Variants in EDA observed in about 807,000 individuals in gnomAD.
The protein encoded by EDA is ectodysplasin-A.
A neutral mutation model predicts 23.6 loss-of-function variants in EDA; 2 were observed. That is an observed-to-expected ratio of 0.08 (90% CI 0.03 to 0.27). EDA has a LOEUF of 0.27. EDA is among the 10% of genes least tolerant of loss of function. EDA has a pLI of 1.00. For synonymous variants in EDA, 131 were observed against 132.0 expected, an observed-to-expected ratio of 0.99 and a Z score of 0.05; for missense variants, 229 against 324.2, an observed-to-expected ratio of 0.71 and a Z score of 2.26.
At chrX:69,676,186 A>T (rs1934072906) in intron 1 of EDA, among the ~76,000 whole-genome samples, 1 of 111,315 alleles carries the variant, frequency 9.0e-6, no homozygotes, top group Non-Finnish European at 1.9e-5. Context: ...TAGGAAACCA[A>T]TGGAGGGGCT....
intron 1 of EDA, among the ~76,000 whole-genome samples, chrX:69,675,305 A>G (rs1044623345): frequency 8.9e-6 from 1 of 112,032 alleles, no homozygotes; most frequent in African/African-American, 3.2e-5. Flanking sequence ...AGTAACTCCC[A>G]AATTATTATA....
At chrX:69,904,103 C>T (rs1351206217) in intron 1 of EDA, among the ~76,000 whole-genome samples, 2 of 111,166 alleles carry the variant, frequency 1.8e-5, no homozygotes. Context: ...GAGCCACCAC[C>T]CCCGGCCACA....
At chrX:69,830,526 A>G (rs1229188281) in intron 1 of EDA, among the ~76,000 whole-genome samples, 4 of 112,053 alleles carry the variant, frequency 3.6e-5, no homozygotes, top group African/African-American at 9.7e-5. Flanking sequence ...TTAAACTTCC[A>G]TAAATAGTAT....
At chrX:69,698,741 C>G (rs1169674256) in intron 1 of EDA, among the ~76,000 whole-genome samples, 1 of 111,070 alleles carries the variant, frequency 9.0e-6, no homozygotes. Context: ...ACCTTTTCAA[C>G]TTTGCCTGAA....
chrX:69,758,429 T>A (rs1208463978), intron 1 of EDA, among the ~76,000 whole-genome samples: 1 of 112,160 alleles, frequency 8.9e-6, no homozygotes, highest in Non-Finnish European at 1.9e-5. Flanking sequence ...ATTTATAGAT[T>A]ATCTTAGTGT....
intron 1 of EDA, among the ~76,000 whole-genome samples, chrX:69,793,351 A>G (rs2015454878): frequency 1.0e-5 from 1 of 97,162 alleles, no homozygotes; most frequent in Admixed American, 1.2e-4. Flanking sequence ...CAGAAAACTC[A>G]ACTCAAAGTG....
At chrX:69,967,708 T>C in intron 2 of EDA, among the ~76,000 whole-genome samples, 1 of 112,005 alleles carries the variant, frequency 8.9e-6, no homozygotes, top group East Asian at 2.8e-4. Flanking sequence ...GGCTTAACCT[T>C]AGGGCTTAAA....
chrX:69,786,282 C>G (rs887220778), intron 1 of EDA, among the ~76,000 whole-genome samples: 6 of 110,588 alleles, frequency 5.4e-5, no homozygotes, highest in African/African-American at 9.9e-5. Context: ...TTTTGTGTCT[C>G]TATTTCCTTC....
At chrX:69,678,095 T>C (rs1934175787) in intron 1 of EDA, among the ~76,000 whole-genome samples, 1 of 111,429 alleles carries the variant, frequency 9.0e-6, no homozygotes, top group Non-Finnish European at 1.9e-5. Context: ...TCCCCATTGC[T>C]TGTTTTTGTC....
chrX:69,695,659 G>A (rs187171939), intron 1 of EDA, among the ~76,000 whole-genome samples: 3 of 107,656 alleles, frequency 2.8e-5, no homozygotes, highest in Admixed American at 1.0e-4. Flanking sequence ...ACAAGTGCCC[G>A]CTACCACGCC....
At chrX:69,639,957 T>A (rs1008709871) in intron 1 of EDA, among the ~76,000 whole-genome samples, 3 of 112,194 alleles carry the variant, frequency 2.7e-5, no homozygotes, top group Non-Finnish European at 3.8e-5. Context: ...AGGTTCAGTT[T>A]CACTCTTTTA....
At chrX:69,686,113 A>G (rs1934537581) in intron 1 of EDA, among the ~76,000 whole-genome samples, 1 of 111,686 alleles carries the variant, frequency 9.0e-6, no homozygotes, top group South Asian at 3.8e-4. Context: ...GGTTCAAGCG[A>G]TTCTCCTACC....
chrX:69,695,491 G>T (rs2011302852), intron 1 of EDA, among the ~76,000 whole-genome samples: 1 of 104,549 alleles, frequency 9.6e-6, no homozygotes, highest in Non-Finnish European at 2.0e-5. Flanking sequence ...AGAGGACTCA[G>T]TTTTCCTTCT....
intron 1 of EDA, among the ~76,000 whole-genome samples, chrX:69,664,095 T>A (rs1933601448): frequency 8.9e-6 from 1 of 112,007 alleles, no homozygotes; most frequent in South Asian, 3.8e-4. Flanking sequence ...GAGTTAATGC[T>A]GAAATGAGTT....
intron 1 of EDA, among the ~76,000 whole-genome samples, chrX:69,918,048 T>C (rs1452246115): frequency 2.7e-5 from 3 of 110,759 alleles, no homozygotes; most frequent in African/African-American, 9.8e-5. Flanking sequence ...TGATGGCAAG[T>C]ACTGGTGATG....
chrX:70,035,206 T>C (rs1306405718), intron 7 of EDA, 152 bp from the exon 8 acceptor site: 1 of 632,507 alleles, frequency 1.6e-6, no homozygotes, highest in Non-Finnish European at 2.4e-6. Context: ...TCCTTTCCTG[T>C]TGGCCAGCTA....
intron 1 of EDA, among the ~76,000 whole-genome samples, chrX:69,821,571 A>T (rs2016225313): frequency 2.7e-5 from 3 of 112,123 alleles, no homozygotes; most frequent in African/African-American, 9.7e-5. Flanking sequence ...TGAATTTTGT[A>T]ATTAACCTTC....
chrX:70,015,647 AATAAG>A (rs2019938061), intron 2 of EDA, among the ~76,000 whole-genome samples: 1 of 111,930 alleles, frequency 8.9e-6, no homozygotes, highest in African/African-American at 3.3e-5. Flanking sequence ...GCAGAGGAGA[AATAAG>A]ATCCTTTTCA....
rs149933721 is a variant in EDA at position 69,763,791 on chromosome X, G to A, written c.396+147087G>A. Among the ~76,000 whole-genome samples the A allele has an allele frequency of 5.0e-3, 558 of 111,665 alleles. 4 individuals carry two copies. Among genetic ancestry groups the A allele is most frequent in the Middle Eastern group, 9.3e-3 (2 of 216 alleles). ...TTCTCTGTCTGATACATCAGTTAGC[G>A]TTAGTGCCCTGTGGCTAAAAAGGAT... On this transcript the variant is annotated intron_variant, in intron 1 of 7. Transcript: ENST00000374552.
Sources: allele counts gnomAD v4.1 joint callset (sites outside exome capture counted in the v4.1 genomes callset), GRCh38; gene constraint gnomAD v4.1.1; transcripts MANE v1.5; gene names NCBI Gene and HGNC (gene_info 2026-07-23, HGNC 2026-07-21).